Variants in SLC26A4 observed in about 807,000 individuals in gnomAD.
SLC26A4 encodes solute carrier family 26 member 4.
A neutral mutation model predicts 90.4 loss-of-function variants in SLC26A4; 93 were observed. The observed-to-expected ratio is 1.03, with a 90% CI of 0.87 to 1.22. The LOEUF (loss-of-function observed/expected upper bound fraction) is 1.22. SLC26A4 is among the 50% of genes most tolerant of loss of function. The pLI is 0.00. For missense variants in SLC26A4, 1,127 were observed against 946.2 expected (o/e 1.19, Z -2.51); for synonymous variants, 393 against 354.6 (o/e 1.11, Z -1.22).
Position 107,672,240 on chromosome 7 carries a change from T to A in SLC26A4, c.407T>A (p.Ile136Asn), listed in dbSNP as rs1000929089. ...TYFIFGTSRH[I>N]SVGPFPVVSL... is the part of the protein sequence containing the mutation. Reference sequence around the variant, plus strand: ...TTTATCTTTGGAACATCAAGACATATCTCAGTTGGTAATTATAAGTATATT... The same window carrying A: ...TTTATCTTTGGAACATCAAGACATAACTCAGTTGGTAATTATAAGTATATT... The change falls in exon 4 of 21, where the codon ATC (isoleucine) becomes AAC (asparagine). Residue 136 changes from isoleucine (I) to asparagine (N), a missense_variant. Transcript: ENST00000644269. 6.4e-7 allele frequency: 1 copy of A among 1,572,124 alleles called. No individual in the cohort carries two copies. Among genetic ancestry groups the A allele is most frequent in the Non-Finnish European group, 8.8e-7 (1 of 1,142,166 alleles).
intron 3 of SLC26A4, among the ~76,000 whole-genome samples, chr7:107,670,262 C>T (rs760967265): frequency 1.3e-5 from 2 of 152,002 alleles, no homozygotes; most frequent in Non-Finnish European, 2.9e-5. Context: ...GTGCCTACCC[C>T]CATGCCTGGC....
chr7:107,672,058 G>A (rs1310448749), intron 3 of SLC26A4, 80 bp from the exon 4 acceptor site: 2 of 866,168 alleles, frequency 2.3e-6, no homozygotes. Context: ...AAAGTCATAA[G>A]TGGAACCATT....
chr7:107,693,964 A>C (rs771447471), intron 10 of SLC26A4, among the ~76,000 whole-genome samples: 8 of 152,218 alleles, frequency 5.3e-5, no homozygotes, highest in Non-Finnish European at 7.3e-5. Context: ...TGCAGCTTCA[A>C]TAATGCAGAA....
chr7:107,701,275 C>T, intron 16 of SLC26A4, 79 bp downstream of exon 16: 1 of 878,822 alleles, frequency 1.1e-6, no homozygotes. Flanking sequence ...AAAATTAAAT[C>T]TATCCTCTTT....
chr7:107,675,271 G>A (rs1218051053), intron 6 of SLC26A4, among the ~76,000 whole-genome samples, 162 bp downstream of exon 6: 2 of 128,034 alleles, frequency 1.6e-5, no homozygotes, highest in African/African-American at 3.0e-5. Context: ...TTTGAGACGT[G>A]AGACCTCATC....
chr7:107,709,430 C>G (rs961262131), intron 18 of SLC26A4, among the ~76,000 whole-genome samples: 1 of 152,160 alleles, frequency 6.6e-6, no homozygotes, highest in East Asian at 1.9e-4. Flanking sequence ...ACAACCACAC[C>G]TGGCTAATTT....
intron 3 of SLC26A4, among the ~76,000 whole-genome samples, chr7:107,667,460 T>TAAAAAAAAA (rs1562820547): frequency 7.6e-5 from 2 of 26,426 alleles, no homozygotes; most frequent in African/African-American, 1.8e-4. Flanking sequence ...GAGAGAAGGT[T>TAAAAAAAAA]TAAAAAAAAA....
chr7:107,699,874 G>A lies in SLC26A4; in HGVS notation c.1615-209G>A, dbSNP rs1263420174. Among the ~76,000 whole-genome samples the A allele has an allele frequency of 2.0e-5, 3 of 151,484 alleles. No individual in the cohort carries two copies. The South Asian group carries it at 6.3e-4, about 32-fold the overall frequency. On this transcript the variant is annotated intron_variant, in intron 14 of 20. Coordinates refer to ENST00000644269, the MANE Select transcript of SLC26A4 (RefSeq NM_000441.2). ...ACCCAGGAGGTGGAGGTTGCAGTGA[G>A]CCGACATTGTGCCACTGTACTCCAG... is the stretch of plus-strand genomic sequence containing the variant.
Position 107,690,139 on chromosome 7 carries a change from G to C in SLC26A4, c.1165G>C (p.Gly389Arg), listed in dbSNP as rs1194210245. The C allele has an allele frequency of 1.9e-6, 3 of 1,606,924 alleles. No individual in the cohort carries two copies. The highest frequency in any genetic ancestry group is 2.6e-6 in the Non-Finnish European group (3 of 1,173,588). ...IDGNQEFIAF[G>R]ISNIFSGFFS... is the part of the protein sequence containing the mutation. ...TCTTCCTTAGGAATTCATTGCCTTTGGGATCAGCAACATCTTCTCAGGATT... is the reference window on the plus strand; with the variant it reads ...TCTTCCTTAGGAATTCATTGCCTTTCGGATCAGCAACATCTTCTCAGGATT... Residue 389 changes from glycine (G) to arginine (R), a missense_variant, in exon 10 of 21, where the codon GGG becomes CGG. By Grantham distance (125) the Gly-to-Arg change is moderately radical. Transcript: ENST00000644269.
intron 14 of SLC26A4, among the ~76,000 whole-genome samples, chr7:107,698,798 A>G (rs1313636076): frequency 6.6e-6 from 1 of 152,210 alleles, no homozygotes; most frequent in Non-Finnish European, 1.5e-5. Context: ...TTATTATTTG[A>G]CACTTTGCTT....
Position 107,661,352 on chromosome 7 carries a change from A to G in SLC26A4, c.-3-287A>G, listed in dbSNP as rs1228814314. 1 of 538,244 alleles carries G rather than the reference A, an allele frequency of 1.9e-6. No individual in the cohort carries two copies. The highest frequency in any genetic ancestry group is 3.3e-5 in the East Asian group (1 of 30,432). 33.3% of individuals were successfully genotyped at this position (538,244 alleles called of 1,614,324 possible). ...CATAGGGGACTGGGTGGAACTCGGG[A>G]AGCCCCCAGAGCAGGGGCTTACTCG... On this transcript the variant is annotated intron_variant, in intron 1 of 20. Coordinates refer to ENST00000644269, the MANE Select transcript of SLC26A4 (RefSeq NM_000441.2). This position sits in a 1 kb window ranked among gnomAD's most constrained non-coding sequence, Gnocchi z 5.1.
At position 107,689,072 on chromosome 7, in the gene SLC26A4, C is replaced by G. The variant is rs937305154; in HGVS notation, c.1021C>G (p.Pro341Ala). 13 of 1,613,930 alleles carry G rather than the reference C, an allele frequency of 8.1e-6. No individual in the cohort carries two copies. The highest frequency in any genetic ancestry group is 1.1e-5 in the Non-Finnish European group (13 of 1,179,848). The change falls in exon 9 of 21, where the codon CCA becomes GCA. Residue 341 changes from proline to alanine, a missense_variant. By Grantham distance (27) the Pro-to-Ala change is conservative (BLOSUM62 -1). Coordinates refer to ENST00000644269, the MANE Select transcript of SLC26A4 (RefSeq NM_000441.2). The stretch of plus-strand genomic sequence containing the variant: ...CACTAGGTTTTTGCCTCCTGAACTT[C>G]CACCTGTGAGCTTGTTCTCGGAGAT... Reference protein sequence around the residue: ...IPRGFLPPELPPVSLFSEMLA... With the variant: ...IPRGFLPPELAPVSLFSEMLA...
chr7:107,698,687 C>T (rs1791809831), intron 14 of SLC26A4, among the ~76,000 whole-genome samples: 1 of 152,138 alleles, frequency 6.6e-6, no homozygotes, highest in Non-Finnish European at 1.5e-5. Context: ...TCTAGATGTT[C>T]ATCCAAAATT....
chr7:107,674,841 G>C (rs1584307327), intron 5 of SLC26A4, 104 bp from the exon 6 acceptor site: 1 of 1,069,434 alleles, frequency 9.4e-7, no homozygotes, highest in East Asian at 2.4e-5. Flanking sequence ...CTATAGGCAG[G>C]CTACTAGTGT....
chr7:107,672,046 G>A (rs779274130), intron 3 of SLC26A4, 92 bp from the exon 4 acceptor site: 6 of 801,780 alleles, frequency 7.5e-6, no homozygotes, highest in Admixed American at 1.8e-5. Flanking sequence ...CATCATAAAG[G>A]CAAAGTCATA....
At chr7:107,694,594 C>T (rs1308150583) in intron 11 of SLC26A4, 27 bp from the exon 12 acceptor site, 1 of 1,580,788 alleles carries the variant, frequency 6.3e-7, no homozygotes. Flanking sequence ...CCCTGAATAA[C>T]ACAGCCTTCT....
intron 8 of SLC26A4, among the ~76,000 whole-genome samples, chr7:107,686,705 C>T (rs1584321996): frequency 2.0e-5 from 3 of 152,024 alleles, no homozygotes; most frequent in Middle Eastern, 3.2e-3. Flanking sequence ...GCCTCAAACT[C>T]CTGACCTCAG....
At chr7:107,692,682 C>G (rs1295907634) in intron 10 of SLC26A4, among the ~76,000 whole-genome samples, 1 of 152,148 alleles carries the variant, frequency 6.6e-6, no homozygotes, top group Non-Finnish European at 1.5e-5. Context: ...TTCTTTCCCT[C>G]ACCCCCATCT....
In SLC26A4 at chr7:107,716,703, T is replaced by G. The variant is rs1792354467; in HGVS notation, c.*1257T>G. The G allele has an allele frequency of 6.6e-6, 1 of 152,192 alleles. No individual in the cohort carries two copies. Among genetic ancestry groups the G allele is most frequent in the African/African-American group, 2.4e-5 (1 of 41,456 alleles). The allele number at this position is 152,192 out of a possible 1,614,324, so 9.4% of individuals were successfully genotyped here. ...CACACTGGAGTGAATGAAGTTGTACTTCATTTCTAGAGAAAAGTTATACCC... is the reference window on the plus strand; with the variant it reads ...CACACTGGAGTGAATGAAGTTGTACGTCATTTCTAGAGAAAAGTTATACCC... On this transcript the variant is annotated 3_prime_UTR_variant, in exon 21 of 21. Coordinates refer to ENST00000644269, the MANE Select transcript of SLC26A4 (RefSeq NM_000441.2).
Sources: gnomAD v4.1 joint callset for allele counts (sites outside exome capture counted in the v4.1 genomes callset) on GRCh38, gnomAD v4.1.1 for gene constraint, Gnocchi (gnomAD v3.1) non-coding constraint, MANE v1.5 for transcripts, NCBI Gene and HGNC (gene_info 2026-07-23, HGNC 2026-07-21) for gene names.